Variants in HLA-DQA1 observed in about 807,000 individuals in gnomAD.
HLA-DQA1 encodes HLA class II histocompatibility antigen, DQ alpha 1 chain.
A neutral mutation model predicts 20.7 loss-of-function variants in HLA-DQA1; 10 were observed. The observed-to-expected ratio is 0.48, with a 90% CI of 0.30 to 0.82. The LOEUF is 0.82. Among genes scored for constraint, HLA-DQA1 ranks in the 40% least tolerant of loss-of-function variants. HLA-DQA1 has a pLI of 0.07. For missense variants in HLA-DQA1, 127 were observed against 293.0 expected, an observed-to-expected ratio of 0.43 and a Z score of 4.14; for synonymous variants, 39 against 109.2, an observed-to-expected ratio of 0.36 and a Z score of 4.01.
In HLA-DQA1 at chr6:32,640,501, G is replaced by A. The variant is rs1270636856; in HGVS notation, c.83-809G>A. ...AGCACACTGCCCATTAGAGGAAAAAGTGTGATATAAGTGTTGAGTCAGAAT... is the reference window on the plus strand; with the variant it reads ...AGCACACTGCCCATTAGAGGAAAAAATGTGATATAAGTGTTGAGTCAGAAT... On this transcript the variant is annotated intron_variant, in intron 1 of 4. Coordinates refer to ENST00000343139, the MANE Select transcript of HLA-DQA1 (RefSeq NM_002122.5). Among the ~76,000 whole-genome samples the A allele has an allele frequency of 5.5e-5, 3 of 54,406 alleles. 1 individual carries two copies. The highest frequency in any genetic ancestry group is 1.6e-4 in the African/African-American group (3 of 18,662). The allele number at this position is 54,406 out of a possible 152,430, so 35.7% of individuals were successfully genotyped here. A position where few individuals can be genotyped will look rare whatever the true frequency, so the allele number is the denominator to read the frequency against.
downstream of HLA-DQA1, among the ~76,000 whole-genome samples, chr6:32,649,728 A>G (rs1398759936): frequency 2.1e-5 from 2 of 96,234 alleles, 1 homozygote; most frequent in Non-Finnish European, 4.6e-5. Flanking sequence ...TAAAACCATA[A>G]AAACCCCAGA....
Position 32,640,821 on chromosome 6 carries a change from A to AG in HLA-DQA1, c.83-489_83-488insG, listed in dbSNP as rs1362376325. 2.7e-4 allele frequency among the ~76,000 whole-genome samples: 29 copies of AG among 105,922 alleles called. 1 individual carries two copies. In the South Asian group the frequency reaches 3.0e-3, roughly 11 times the overall value. 69.5% of individuals were successfully genotyped at this position (105,922 alleles called of 152,430 possible). A position where few individuals can be genotyped will look rare whatever the true frequency, so the allele number is the denominator to read the frequency against. ...CTGCATGCTTTTCCTTTAAAAAAAA[A>AG]AAAAAGAAAGATCTCTGTGTAGAGT... On this transcript the variant is annotated intron_variant, in intron 1 of 4. Coordinates refer to ENST00000343139, the MANE Select transcript of HLA-DQA1 (RefSeq NM_002122.5).
the HLA-DQA1 span, among the ~76,000 whole-genome samples, chr6:32,653,735 G>T: frequency 0.011 from 952 of 83,006 alleles, 53 homozygotes; most frequent in Admixed American, 0.014. Flanking sequence ...GCAAGAGATG[G>T]AATCAACCTA....
In HLA-DQA1 at chr6:32,642,009, G is replaced by T. The variant is rs765825432; in HGVS notation, c.369G>T (p.Val123=). Residue 123 remains valine (V), a synonymous_variant, in exon 3 of 5, where the codon GTG becomes GTT. Coordinates refer to ENST00000343139, the MANE Select transcript of HLA-DQA1 (RefSeq NM_002122.5). The part of the protein sequence containing the change: ...PEVTVFSKSP[V]TLGQPNTLIC... ...TCACAGTGTTTTCCAAGTCTCCCGT[G>T]ACACTGGGTCAGCCCAACACCCTCA... The T allele has an allele frequency of 1.3e-6, 2 of 1,552,820 alleles. No individual in the cohort carries two copies. The highest frequency in any genetic ancestry group is 3.8e-5 in the Admixed American group (2 of 53,216).
At chr6:32,643,741 G>GA (rs1241206986), downstream of HLA-DQA1, 43,278 of 149,562 alleles carry the variant, frequency 0.29, 6,636 homozygotes, top group Middle Eastern at 0.47. Context: ...TTGTCACCTT[G>GA]AGATAAAAAT....
chr6:32,653,166 C>T, the HLA-DQA1 span, among the ~76,000 whole-genome samples: 37,261 of 98,012 alleles, frequency 0.38, 9,531 homozygotes, highest in Middle Eastern at 0.62. Flanking sequence ...CAAAGGGAGG[C>T]AGGTAGAACA....
the HLA-DQA1 span, among the ~76,000 whole-genome samples, chr6:32,654,148 A>G: frequency 7.6e-5 from 7 of 92,236 alleles, no homozygotes; most frequent in Admixed American, 1.4e-4. Flanking sequence ...TTACAAAAAT[A>G]CAGAAATTAG....
the HLA-DQA1 span, among the ~76,000 whole-genome samples, chr6:32,652,451 G>A: frequency 0.14 from 17,324 of 123,538 alleles, 2,724 homozygotes; most frequent in South Asian, 0.21. Flanking sequence ...AAATGGGAAG[G>A]TAAAGAATCC....
chr6:32,645,124 G>A (rs1044455813), downstream of HLA-DQA1: 3 of 137,878 alleles, frequency 2.2e-5, no homozygotes, highest in Non-Finnish European at 3.3e-5. Flanking sequence ...CCAAGAGTTA[G>A]ACTTAATGTA....
the HLA-DQA1 span, among the ~76,000 whole-genome samples, chr6:32,652,279 C>CAA: frequency 0.054 from 2,231 of 41,270 alleles, 558 homozygotes; most frequent in Middle Eastern, 0.16. Flanking sequence ...GACTCCATCT[C>CAA]AAAAAAAAAA....
chr6:32,653,000 C>T, the HLA-DQA1 span, among the ~76,000 whole-genome samples: 1 of 149,018 alleles, frequency 6.7e-6, no homozygotes, highest in East Asian at 2.1e-4. Flanking sequence ...TATACCCCCA[C>T]ACTGACCAGT....
chr6:32,649,327 C>T (rs188694433), downstream of HLA-DQA1, among the ~76,000 whole-genome samples: 290 of 97,206 alleles, frequency 3.0e-3, 97 homozygotes, highest in African/African-American at 9.5e-3. Flanking sequence ...ATAGCCAAGA[C>T]AAGCCTAAGC....
intron 1 of HLA-DQA1, 123 bp from the exon 2 acceptor site, chr6:32,641,187 C>A: frequency 1.5e-6 from 1 of 674,216 alleles, no homozygotes; most frequent in Non-Finnish European, 2.4e-6. Context: ...TGGAAATGTC[C>A]ACAGACTGTG....
rs1129735 is a variant in HLA-DQA1 at position 32,637,518 on chromosome 6, C to T, written c.60C>T (p.Pro20=). ...TCGCTCTGACCACCGTGATGAGCCC[C>T]TGTGGAGGTGAAGACATTGTGGGTG... is the stretch of plus-strand genomic sequence containing the variant. ...GALALTTVMS[P]CGGEDIVADH... The change falls in exon 1 of 5, where the codon CCC becomes CCT. Residue 20 remains proline, a synonymous_variant. Transcript: ENST00000343139. 148,325 of 968,340 alleles carry T rather than the reference C, an allele frequency of 0.15. 40,407 individuals are homozygous for T. Among genetic ancestry groups the T allele is most frequent in the South Asian group, 0.24 (15,289 of 64,852 alleles). The allele number at this position is 968,340 out of a possible 1,614,324, so 60.0% of individuals were successfully genotyped here.
chr6:32,654,589 T>C, the HLA-DQA1 span, among the ~76,000 whole-genome samples: 5 of 98,122 alleles, frequency 5.1e-5, 2 homozygotes, highest in African/African-American at 1.7e-4. Context: ...GTTATTATAC[T>C]GTATTGTTTT....
chr6:32,654,297 A>G, the HLA-DQA1 span, among the ~76,000 whole-genome samples: 2 of 34,776 alleles, frequency 5.8e-5, no homozygotes, highest in African/African-American at 1.8e-4. Context: ...CCCTGTCTCA[A>G]AAAAAAAAAA....
rs1472643175 is a variant in HLA-DQA1 at position 32,641,318 on chromosome 6, G to A, written c.91G>A (p.Val31Ile). 2 of 1,251,012 alleles carry A rather than the reference G, an allele frequency of 1.6e-6. No homozygotes were observed. Among genetic ancestry groups the A allele is most frequent in the Non-Finnish European group, 2.2e-6 (2 of 902,178 alleles). The allele number at this position is 1,251,012 out of a possible 1,614,324, so 77.5% of individuals were successfully genotyped here. A position where few individuals can be genotyped will look rare whatever the true frequency, so the allele number is the denominator to read the frequency against. The change falls in exon 2 of 5, where the codon GTT becomes ATT. Residue 31 changes from valine to isoleucine, a missense_variant. Around this residue, in one of 4 missense-constraint regions of HLA-DQA1, gnomAD observed 36 missense variants for 44.8 expected, o/e 0.80. Coordinates refer to ENST00000343139, the MANE Select transcript of HLA-DQA1 (RefSeq NM_002122.5). ...CGGEDIVADH[V>I]ASCGVNLYQF... The stretch of plus-strand genomic sequence containing the variant: ...TCATCTTCACTCATCAGCTGACCAC[G>A]TTGCCTCTTGTGGTGTAAACTTGTA...
chr6:32,652,749 T>A, the HLA-DQA1 span, among the ~76,000 whole-genome samples: 1 of 119,594 alleles, frequency 8.4e-6, no homozygotes, highest in Non-Finnish European at 1.9e-5. Context: ...ATAACTTTCA[T>A]CTTCTAAGAC....
chr6:32,637,715 T>C (rs1780988075), intron 1 of HLA-DQA1, among the ~76,000 whole-genome samples, 175 bp downstream of exon 1: 1 of 104,308 alleles, frequency 9.6e-6, no homozygotes, highest in African/African-American at 3.4e-5. Context: ...AACCTACTCT[T>C]TTTGTTATCT....
Sources: gnomAD v4.1 joint callset for allele counts (sites outside exome capture counted in the v4.1 genomes callset) on GRCh38, gnomAD v4.1.1 for gene constraint, gnomAD v4.1.1 regional missense constraint, MANE v1.5 for transcripts, NCBI Gene and HGNC (gene_info 2026-07-23, HGNC 2026-07-21) for gene names.